The following PCDH11X variants were observed in gnomAD, a reference collection of about 807,000 sequenced individuals.
The protein encoded by PCDH11X is protocadherin-11 X-linked.
A neutral mutation model predicts 53.3 loss-of-function variants in PCDH11X; 18 were observed. That is an observed-to-expected ratio of 0.34 (90% CI 0.23 to 0.50). The LOEUF is 0.50. Ranked by LOEUF, PCDH11X falls within the 20% of genes least tolerant of loss-of-function variation. The pLI is 0.98. For synonymous variants in PCDH11X, 279 were observed against 393.3 expected, an observed-to-expected ratio of 0.71 and a Z score of 3.44; for missense variants, 570 against 1,032.4, an observed-to-expected ratio of 0.55 and a Z score of 6.14.
At chrX:92,226,487 A>T (rs1468055008) in intron 7 of PCDH11X, among the ~76,000 whole-genome samples, 1 of 111,902 alleles carries the variant, frequency 8.9e-6, no homozygotes, top group Non-Finnish European at 1.9e-5. Flanking sequence ...AAGGTAGTAT[A>T]GCGAATTTCT....
chrX:92,201,085 A>G lies in PCDH11X; in HGVS notation c.3034-290A>G, dbSNP rs1329639792. ...CATTTAAATAGTCCTCCACAATTTC[A>G]TTCACATGTTTAATAGAACACATAA... is the stretch of plus-strand genomic sequence containing the variant. On this transcript the variant is annotated intron_variant, in intron 6 of 10. Transcript: ENST00000682573. Among the ~76,000 whole-genome samples, 3 of 110,508 alleles carry G rather than the reference A, an allele frequency of 2.7e-5. No individual in the cohort carries two copies. The Admixed American group carries it at 2.9e-4, about 11-fold the overall frequency.
At chrX:92,436,745 G>A (rs137973605) in intron 9 of PCDH11X, among the ~76,000 whole-genome samples, 1,530 of 110,518 alleles carry the variant, frequency 0.014, 20 homozygotes, top group African/African-American at 0.048. Flanking sequence ...ATGTTCTCAC[G>A]TATAAATGGG....
intron 6 of PCDH11X, among the ~76,000 whole-genome samples, chrX:92,085,998 T>C (rs929143574): frequency 7.1e-5 from 8 of 112,079 alleles, no homozygotes; most frequent in Non-Finnish European, 1.1e-4. Flanking sequence ...AAAACATTAA[T>C]ATTCACATTG....
intron 8 of PCDH11X, among the ~76,000 whole-genome samples, chrX:92,312,877 A>G (rs1178217975): frequency 1.8e-5 from 2 of 111,313 alleles, no homozygotes; most frequent in African/African-American, 3.3e-5. Context: ...GGCCTAAAAT[A>G]ACTAACTCCT....
intron 6 of PCDH11X, among the ~76,000 whole-genome samples, chrX:91,969,058 A>C (rs1238360077): frequency 9.0e-6 from 1 of 111,155 alleles, no homozygotes; most frequent in Non-Finnish European, 1.9e-5. Flanking sequence ...GCATGATTAT[A>C]GATTCTGACA....
At chrX:92,422,544 A>G (rs1196319373) in intron 9 of PCDH11X, among the ~76,000 whole-genome samples, 1 of 111,448 alleles carries the variant, frequency 9.0e-6, no homozygotes, top group Non-Finnish European at 1.9e-5. Flanking sequence ...CAATTTATTT[A>G]TTCACTGGTT....
At chrX:91,932,696 GT>G (rs2061402680) in intron 6 of PCDH11X, among the ~76,000 whole-genome samples, 1 of 95,593 alleles carries the variant, frequency 1.0e-5, no homozygotes, top group African/African-American at 4.2e-5. Flanking sequence ...GTGTGTGTGT[GT>G]GTGCGCGCGC....
rs75224703 is a variant in PCDH11X, at chrX:92,352,259, C to A, written c.3145-35476C>A. Among the ~76,000 whole-genome samples the A allele has an allele frequency of 2.8e-3, 311 of 111,639 alleles. 5 individuals carry two copies. The East Asian group carries it at 0.053, about 19-fold the overall frequency. On this transcript the variant is annotated intron_variant, in intron 8 of 10. Coordinates refer to ENST00000682573, the MANE Select transcript of PCDH11X (RefSeq NM_032968.5). The stretch of plus-strand genomic sequence containing the variant: ...AGGGATATTAGAAAGACATTATATA[C>A]CCAAACCTCTCATTTGATAGGTGAG...
In PCDH11X at chrX:92,527,208, C is replaced by A. The variant is rs1446830111; in HGVS notation, c.3367+58886C>A. On this transcript the variant is annotated intron_variant, in intron 10 of 10. Coordinates refer to ENST00000682573, the MANE Select transcript of PCDH11X (RefSeq NM_032968.5). ...AAATAAAACCTACAATTTGATGACA[C>A]AATAGCATCACTATAATCAATAATA... 2.7e-5 allele frequency among the ~76,000 whole-genome samples: 3 copies of A among 111,393 alleles called. No homozygotes were observed. The East Asian group carries it at 8.5e-4, about 32-fold the overall frequency.
At chrX:92,531,071 A>T (rs1271917206) in intron 10 of PCDH11X, among the ~76,000 whole-genome samples, 5 of 111,234 alleles carry the variant, frequency 4.5e-5, no homozygotes, top group Non-Finnish European at 9.5e-5. Flanking sequence ...AAACCACATA[A>T]AAAATCAACT....
intron 6 of PCDH11X, among the ~76,000 whole-genome samples, chrX:91,955,796 C>A (rs1362246105): frequency 4.5e-5 from 5 of 111,552 alleles, no homozygotes; most frequent in African/African-American, 1.6e-4. Context: ...CAGAGCTGAG[C>A]TCAGGTCCTG....
intron 6 of PCDH11X, among the ~76,000 whole-genome samples, chrX:91,985,422 T>G (rs2062213940): frequency 8.9e-6 from 1 of 112,160 alleles, no homozygotes; most frequent in Non-Finnish European, 1.9e-5. Context: ...GGAGAATTGC[T>G]TGAACCCGGG....
At chrX:92,262,323 G>A (rs1402897064) in intron 7 of PCDH11X, among the ~76,000 whole-genome samples, 3 of 111,234 alleles carry the variant, frequency 2.7e-5, no homozygotes, top group African/African-American at 6.5e-5. Context: ...TAAAGATTGC[G>A]GAGAACAGAC....
At chrX:92,508,579 T>C (rs1247188702) in intron 10 of PCDH11X, among the ~76,000 whole-genome samples, 4 of 111,011 alleles carry the variant, frequency 3.6e-5, no homozygotes, top group Non-Finnish European at 7.5e-5. Context: ...TTATAATGCT[T>C]TATTGATATT....
intron 9 of PCDH11X, among the ~76,000 whole-genome samples, chrX:92,426,799 C>T (rs766228772): frequency 2.7e-5 from 3 of 110,578 alleles, no homozygotes; most frequent in East Asian, 2.9e-4. Flanking sequence ...TAATTTTATT[C>T]GAAAGGGACC....
At chrX:91,842,620 C>T (rs1270883906) in intron 5 of PCDH11X, among the ~76,000 whole-genome samples, 1 of 109,358 alleles carries the variant, frequency 9.1e-6, no homozygotes. Flanking sequence ...TCATAAGAAA[C>T]CTATTGCTTA....
At chrX:92,208,216 A>G (rs1486933430) in intron 7 of PCDH11X, among the ~76,000 whole-genome samples, 3 of 86,593 alleles carry the variant, frequency 3.5e-5, no homozygotes, top group Non-Finnish European at 7.0e-5. Context: ...AAAAAAAAAA[A>G]AACTTTTCTT....
intron 8 of PCDH11X, among the ~76,000 whole-genome samples, chrX:92,353,684 A>G (rs1176242083): frequency 9.2e-6 from 1 of 108,656 alleles, no homozygotes; most frequent in Non-Finnish European, 1.9e-5. Flanking sequence ...TGGGGTACAT[A>G]TAGTAAGTTT....
intron 7 of PCDH11X, among the ~76,000 whole-genome samples, chrX:92,258,437 G>A (rs1021182439): frequency 1.9e-5 from 2 of 104,269 alleles, no homozygotes; most frequent in African/African-American, 3.5e-5. Context: ...GCTCGATCTC[G>A]GCTCGCTGCA....
Sources: gnomAD v4.1 joint callset for allele counts (sites outside exome capture counted in the v4.1 genomes callset) on GRCh38, gnomAD v4.1.1 for gene constraint, MANE v1.5 for transcripts, NCBI Gene and HGNC (gene_info 2026-07-23, HGNC 2026-07-21) for gene names.